Variants in MACROD1 observed in about 807,000 individuals in gnomAD.
The protein encoded by MACROD1 is mono-ADP ribosylhydrolase 1.
In MACROD1, 31 loss-of-function variants were observed where a neutral mutation model predicts 41.4. The observed-to-expected ratio is 0.75, with a 90% CI of 0.56 to 1.01. The LOEUF (loss-of-function observed/expected upper bound fraction) is 1.01, where lower values mean the gene tolerates loss of function less well. Among genes scored for constraint, MACROD1 ranks in the 50% least tolerant of loss-of-function variants. The pLI is 0.00. For synonymous variants in MACROD1, 252 were observed against 203.4 expected (o/e 1.24, Z -2.03); for missense variants, 473 against 460.0 (o/e 1.03, Z -0.26).
intron 4 of MACROD1, among the ~76,000 whole-genome samples, chr11:64,012,404 ACT>A (rs1491566999): frequency 0.043 from 4,578 of 105,410 alleles, 237 homozygotes; most frequent in African/African-American, 0.19. Flanking sequence ...CATTCAATAA[ACT>A]TTTTTTTTTT....
At chr11:64,110,088 C>T (rs1006432957) in intron 3 of MACROD1, among the ~76,000 whole-genome samples, 10 of 151,990 alleles carry the variant, frequency 6.6e-5, no homozygotes, top group Admixed American at 2.6e-4. Flanking sequence ...ATGTAAGGGC[C>T]CCTATTATGA....
At chr11:64,016,864 G>A (rs1191096512) in intron 3 of MACROD1, among the ~76,000 whole-genome samples, 1 of 152,222 alleles carries the variant, frequency 6.6e-6, no homozygotes, top group African/African-American at 2.4e-5. Context: ...AGCAGGACAC[G>A]GACCACAATG....
chr11:64,047,897 C>CAAAA (rs35010371), intron 3 of MACROD1, among the ~76,000 whole-genome samples: 12 of 89,144 alleles, frequency 1.3e-4, no homozygotes, highest in Admixed American at 3.7e-4. Context: ...AACTCCGTCT[C>CAAAA]AAAAAAAAAA....
At chr11:64,159,864 C>T (rs756750493) in intron 1 of MACROD1, among the ~76,000 whole-genome samples, 1 of 152,170 alleles carries the variant, frequency 6.6e-6, no homozygotes, top group Non-Finnish European at 1.5e-5. Context: ...TAAAATCAGA[C>T]ACTGCTGAAG....
intron 3 of MACROD1, among the ~76,000 whole-genome samples, chr11:64,052,023 G>A (rs1943705113): frequency 6.6e-6 from 1 of 151,696 alleles, no homozygotes; most frequent in Admixed American, 6.6e-5. Context: ...GCTTGCTAAT[G>A]AACTTGGCTG....
At chr11:64,039,092 C>T (rs943499393) in intron 3 of MACROD1, among the ~76,000 whole-genome samples, 6 of 152,290 alleles carry the variant, frequency 3.9e-5, no homozygotes, top group African/African-American at 1.4e-4. Flanking sequence ...TCATCCCCTG[C>T]AGGCAGGGGC....
In MACROD1 at chr11:64,065,516, G is replaced by A. The variant is rs538425403; in HGVS notation, c.518-50235C>T. Among the ~76,000 whole-genome samples the A allele has an allele frequency of 1.2e-4, 18 of 152,278 alleles. No individual in the cohort carries two copies. The South Asian group carries it at 2.1e-3, about 18-fold the overall frequency. The stretch of plus-strand genomic sequence containing the variant: ...TTAAAAGATGAACAAGGGGCCAGGC[G>A]CGGTGGCTCATGCCTGTAATCCCAG... On this transcript the variant is annotated intron_variant, in intron 3 of 10. Coordinates refer to ENST00000255681, the MANE Select transcript of MACROD1 (RefSeq NM_014067.4).
chr11:64,055,982 G>C (rs943113930), intron 3 of MACROD1, among the ~76,000 whole-genome samples: 1 of 152,194 alleles, frequency 6.6e-6, no homozygotes, highest in Non-Finnish European at 1.5e-5. Flanking sequence ...GGAGGGACGC[G>C]CTGTCGGTCC....
chr11:64,075,655 G>A (rs965937282), intron 3 of MACROD1, among the ~76,000 whole-genome samples: 2 of 152,236 alleles, frequency 1.3e-5, no homozygotes, highest in Admixed American at 6.5e-5. Context: ...GGGGGACCCC[G>A]AATCTGGCCC....
chr11:64,037,701 G>T (rs1164221143), intron 3 of MACROD1, among the ~76,000 whole-genome samples: 1 of 152,106 alleles, frequency 6.6e-6, no homozygotes, highest in Non-Finnish European at 1.5e-5. Context: ...ACAGAGACTG[G>T]ATACTCTTCA....
chr11:64,031,004 G>A (rs180830483), intron 3 of MACROD1, among the ~76,000 whole-genome samples: 17 of 152,190 alleles, frequency 1.1e-4, no homozygotes, highest in East Asian at 5.8e-4. Flanking sequence ...CTGGAGAGGC[G>A]GAAGGGTGCA....
intron 3 of MACROD1, among the ~76,000 whole-genome samples, chr11:64,136,151 C>T (rs571713674): frequency 2.6e-5 from 4 of 152,382 alleles, no homozygotes; most frequent in African/African-American, 9.6e-5. Flanking sequence ...CCAGAAAGCT[C>T]AGCCTTCCCT....
At chr11:64,001,297 A>G (rs1942821646) in intron 4 of MACROD1, 2 of 626,220 alleles carry the variant, frequency 3.2e-6, no homozygotes, top group African/African-American at 3.7e-5. Context: ...GAATACCGGG[A>G]CAGCGACCCT....
intron 3 of MACROD1, among the ~76,000 whole-genome samples, chr11:64,101,834 G>C (rs965685293): frequency 6.6e-6 from 1 of 152,086 alleles, no homozygotes; most frequent in African/African-American, 2.4e-5. Flanking sequence ...GGGCTTGCTG[G>C]CTCTGAAACC....
chr11:64,112,297 A>C (rs886648313), intron 3 of MACROD1, among the ~76,000 whole-genome samples: 1 of 152,152 alleles, frequency 6.6e-6, no homozygotes, highest in African/African-American at 2.4e-5. Flanking sequence ...GTGGATCACG[A>C]GGTCAAGAGA....
intron 3 of MACROD1, among the ~76,000 whole-genome samples, chr11:64,130,373 T>G (rs1945248114): frequency 6.6e-6 from 1 of 152,180 alleles, no homozygotes; most frequent in Non-Finnish European, 1.5e-5. Flanking sequence ...ATGGCTGCTT[T>G]CCTGTACCTG....
chr11:64,018,154 G>A (rs896571038), intron 3 of MACROD1, among the ~76,000 whole-genome samples: 1 of 152,100 alleles, frequency 6.6e-6, no homozygotes, highest in Admixed American at 6.5e-5. Context: ...GAGTGGCTGC[G>A]GCCCAGTGCT....
At chr11:64,000,095 T>C (rs1942795323) in intron 5 of MACROD1, 132 bp downstream of exon 5, 2 of 703,756 alleles carry the variant, frequency 2.8e-6, no homozygotes, top group South Asian at 3.7e-5. Flanking sequence ...GGGCCGGGTC[T>C]TGGCCCTTAA....
intron 3 of MACROD1, among the ~76,000 whole-genome samples, chr11:64,131,379 G>A (rs1004700614): frequency 6.6e-6 from 1 of 152,186 alleles, no homozygotes. Context: ...TGTCACCCAG[G>A]CTGGTGTACA....
Sources: allele counts gnomAD v4.1 joint callset (sites outside exome capture counted in the v4.1 genomes callset), GRCh38; gene constraint gnomAD v4.1.1; transcripts MANE v1.5; gene names NCBI Gene and HGNC (gene_info 2026-07-23, HGNC 2026-07-21).